Variants in FHOD3 observed in about 807,000 individuals in gnomAD.
FHOD3 encodes formin homology 2 domain containing 3.
Under a neutral mutation model 173.0 loss-of-function variants are expected in FHOD3, and 90 were observed. The observed-to-expected ratio is 0.52, with a 90% CI of 0.44 to 0.62. The LOEUF (loss-of-function observed/expected upper bound fraction) is 0.62. Among genes scored for constraint, FHOD3 ranks in the 20% least tolerant of loss-of-function variants. The pLI, the probability that FHOD3 is intolerant of heterozygous loss-of-function variation, is 0.00. For missense variants in FHOD3, 1,945 were observed against 2,034.7 expected, an observed-to-expected ratio of 0.96 and a Z score of 0.85; for synonymous variants, 828 against 823.0, an observed-to-expected ratio of 1.01 and a Z score of -0.10.
chr18:36,577,344 C>G (rs1186259548), intron 6 of FHOD3, among the ~76,000 whole-genome samples: 1 of 152,038 alleles, frequency 6.6e-6, no homozygotes, highest in Admixed American at 6.6e-5. Context: ...TACTCTGTTG[C>G]CAGGCTGGAG....
At chr18:36,689,761 GA>G (rs2038846641) in intron 16 of FHOD3, among the ~76,000 whole-genome samples, 2 of 152,210 alleles carry the variant, frequency 1.3e-5, no homozygotes, top group South Asian at 4.2e-4. Context: ...GCATGGAGAA[GA>G]AATGCTTTAT....
At position 36,456,141 on chromosome 18, in the gene FHOD3, A is replaced by T. The variant is rs545669730; in HGVS notation, c.338-45791A>T. On this transcript the variant is annotated intron_variant, in intron 3 of 28. Coordinates refer to ENST00000590592, the MANE Select transcript of FHOD3 (RefSeq NM_001281740.3). Reference sequence around the variant, plus strand: ...TGAACTTCTTTTGTCCTGCGCACTGAACAGTGACAGGTAAGCCAGGCTCTC... The same window carrying T: ...TGAACTTCTTTTGTCCTGCGCACTGTACAGTGACAGGTAAGCCAGGCTCTC... Among the ~76,000 whole-genome samples, 98 of 152,212 alleles carry T rather than the reference A, an allele frequency of 6.4e-4. 1 individual carries two copies. The highest frequency in any genetic ancestry group is 2.2e-3 in the African/African-American group (93 of 41,486).
At chr18:36,606,711 G>A (rs117266995) in intron 8 of FHOD3, among the ~76,000 whole-genome samples, 7 of 152,228 alleles carry the variant, frequency 4.6e-5, no homozygotes, top group Non-Finnish European at 7.4e-5. Flanking sequence ...TCATCCTGGG[G>A]CAAATTTCCC....
intron 28 of FHOD3, 50 bp downstream of exon 28, chr18:36,769,476 C>T (rs748230732): frequency 5.1e-6 from 8 of 1,582,960 alleles, no homozygotes; most frequent in Non-Finnish European, 6.9e-6. Context: ...GGGATCTGCC[C>T]TCCCATTCTA....
At chr18:36,763,201 C>G (rs947525781) in intron 27 of FHOD3, among the ~76,000 whole-genome samples, 15 of 142,760 alleles carry the variant, frequency 1.1e-4, no homozygotes, top group Non-Finnish European at 2.3e-4. Context: ...GTATTATATA[C>G]GTTATATATG....
At chr18:36,307,502 C>G (rs2092134272) in intron 1 of FHOD3, among the ~76,000 whole-genome samples, 1 of 152,210 alleles carries the variant, frequency 6.6e-6, no homozygotes, top group Non-Finnish European at 1.5e-5. Context: ...CACCTGTTAC[C>G]TTCCCCTGTG....
intron 1 of FHOD3, among the ~76,000 whole-genome samples, chr18:36,340,444 G>T (rs1044948326): frequency 2.0e-5 from 3 of 152,114 alleles, no homozygotes; most frequent in Non-Finnish European, 4.4e-5. Context: ...TTGTTTGAAG[G>T]TTGAGCAGCT....
intron 5 of FHOD3, among the ~76,000 whole-genome samples, chr18:36,550,248 A>ATATATATATATG (rs1290744598): frequency 7.5e-5 from 11 of 146,464 alleles, no homozygotes; most frequent in Admixed American, 4.8e-4. Context: ...TAGACCATAT[A>ATATATATATATG]TATATATATA....
chr18:36,708,768 A>T lies in FHOD3; in HGVS notation c.2237-327A>T, dbSNP rs1568643898. On this transcript the variant is annotated intron_variant, in intron 17 of 28. Transcript: ENST00000590592. ...CTGTCAAGCAGCAGTGATGTGGCAG[A>T]TCCTTCTCCTGCTTCGAATCTCTGA... is the stretch of plus-strand genomic sequence containing the variant. Among the ~76,000 whole-genome samples, 4 of 152,180 alleles carry T rather than the reference A, an allele frequency of 2.6e-5. No homozygotes were observed. In the South Asian group the frequency reaches 8.3e-4, roughly 31 times the overall value.
At position 36,693,403 on chromosome 18, in the gene FHOD3, G is replaced by A. The variant is rs1369344035; in HGVS notation, c.2216G>A (p.Gly739Glu). The change falls in exon 17 of 29, where the codon GGA becomes GAA. Residue 739 changes from glycine (G) to glutamate (E), a missense_variant. Gly to Glu is a moderately conservative substitution (Grantham distance 98). This residue lies in a region of FHOD3 where 1,099 missense variants were observed against 1,051.2 expected (regional missense o/e 1.05). Transcript: ENST00000590592. ...CTCACGGTGTCTGCCTCCTCCCCAG[G>A]AACCCCTCACCATCCCCAAGGTGAG... ...EALTVSASSP[G>E]TPHHPQASAG... 6.2e-7 allele frequency: 1 copy of A among 1,613,678 alleles called. No homozygotes were observed. The highest frequency in any genetic ancestry group is 1.7e-4 in the Middle Eastern group (1 of 6,056).
At chr18:36,371,347 T>G (rs1318201091) in intron 2 of FHOD3, among the ~76,000 whole-genome samples, 1 of 152,252 alleles carries the variant, frequency 6.6e-6, no homozygotes, top group East Asian at 1.9e-4. Context: ...GGACTCACAG[T>G]TCCTCATTGC....
intron 2 of FHOD3, among the ~76,000 whole-genome samples, chr18:36,358,997 C>T (rs535723978): frequency 1.3e-5 from 2 of 152,288 alleles, no homozygotes; most frequent in East Asian, 3.9e-4. Flanking sequence ...TTTTTAGGTT[C>T]TCTCCTAGAT....
chr18:36,351,707 T>TTC (rs2046134900), intron 1 of FHOD3, among the ~76,000 whole-genome samples: 1 of 152,206 alleles, frequency 6.6e-6, no homozygotes, highest in Non-Finnish European at 1.5e-5. Flanking sequence ...ATTATGGGGC[T>TTC]TCCTGTTACA....
chr18:36,358,821 C>T (rs192708545), intron 2 of FHOD3, among the ~76,000 whole-genome samples: 20 of 152,020 alleles, frequency 1.3e-4, no homozygotes, highest in Middle Eastern at 3.4e-3. Flanking sequence ...TTTGTAGAGA[C>T]GGGGTCTCCT....
intron 3 of FHOD3, among the ~76,000 whole-genome samples, chr18:36,449,757 G>A (rs982742095): frequency 6.6e-6 from 1 of 151,954 alleles, no homozygotes; most frequent in African/African-American, 2.4e-5. Context: ...AATTTTTCTC[G>A]ATGTATTAGG....
At position 36,743,081 on chromosome 18, in the gene FHOD3, C is replaced by T. The variant is rs551041463; in HGVS notation, c.3879+225C>T. Among the ~76,000 whole-genome samples the T allele has an allele frequency of 1.5e-3, 212 of 141,752 alleles. 1 individual carries two copies. The highest frequency in any genetic ancestry group is 5.4e-3 in the African/African-American group (201 of 37,484). The allele number at this position is 141,752 out of a possible 152,430, so 93.0% of individuals were successfully genotyped here. ...ATCCCAGGACTTTGTGAGGCTGACGCGGGTGGATCACGAGGTCAGGAGATC... is the reference window on the plus strand; with the variant it reads ...ATCCCAGGACTTTGTGAGGCTGACGTGGGTGGATCACGAGGTCAGGAGATC... On this transcript the variant is annotated intron_variant, in intron 22 of 28. Transcript: ENST00000590592.
At chr18:36,329,230 AT>A (rs2044846950) in intron 1 of FHOD3, among the ~76,000 whole-genome samples, 1 of 152,158 alleles carries the variant, frequency 6.6e-6, no homozygotes, top group South Asian at 2.1e-4. Flanking sequence ...AACCTCTGGT[AT>A]ATCTGCACCA....
chr18:36,533,476 T>C (rs1216322614), intron 5 of FHOD3, among the ~76,000 whole-genome samples: 1 of 152,192 alleles, frequency 6.6e-6, no homozygotes, highest in Non-Finnish European at 1.5e-5. Flanking sequence ...AAAGTGCTTG[T>C]CCTCAAAGTG....
chr18:36,477,554 C>G (rs1269450600), intron 3 of FHOD3, among the ~76,000 whole-genome samples: 2 of 114,930 alleles, frequency 1.7e-5, no homozygotes, highest in African/African-American at 6.6e-5. Context: ...CACCTACCTA[C>G]CTACCTACCT....
Sources: gnomAD v4.1 joint callset for allele counts (sites outside exome capture counted in the v4.1 genomes callset) on GRCh38, gnomAD v4.1.1 for gene constraint, gnomAD v4.1.1 regional missense constraint, MANE v1.5 for transcripts, NCBI Gene and HGNC (gene_info 2026-07-23, HGNC 2026-07-21) for gene names.